The following KMT5A variants were observed in gnomAD, a reference collection of about 807,000 sequenced individuals.
KMT5A encodes lysine methyltransferase 5A, also known as N-lysine methyltransferase KMT5A.
A neutral mutation model predicts 40.6 loss-of-function variants in KMT5A; 6 were observed. The ratio of observed to expected loss-of-function variants is 0.15; its 90% CI spans 0.08 to 0.29. The LOEUF is 0.29. Among genes scored for constraint, KMT5A ranks in the 10% least tolerant of loss-of-function variants. The probability of loss-of-function intolerance (pLI) is 1.00; values close to 1 mark genes in which losing one functional copy is unlikely to be tolerated. For synonymous variants in KMT5A, 153 were observed against 178.8 expected (o/e 0.86, Z 1.15); for missense variants, 308 against 459.1 (o/e 0.67, Z 3.01).
intron 1 of KMT5A, among the ~76,000 whole-genome samples, chr12:123,386,210 ATTTTTTTTT>A (rs59509232): frequency 5.0e-5 from 4 of 79,838 alleles, no homozygotes; most frequent in Non-Finnish European, 9.8e-5. Context: ...TTAGATTTAG[ATTTTTTTTT>A]TTTTTTTTTT....
chr12:123,394,104 CTTTTTTT>C (rs397711320), intron 3 of KMT5A, among the ~76,000 whole-genome samples: 2 of 125,076 alleles, frequency 1.6e-5, no homozygotes, highest in South Asian at 2.5e-4. Flanking sequence ...ATTTTTTTTT[CTTTTTTT>C]TTTTTTTTTT....
chr12:123,409,237 A>G lies in KMT5A; in HGVS notation c.*1534A>G, dbSNP rs1297335395. 2.0e-5 allele frequency: 3 copies of G among 152,604 alleles called. No individual in the cohort carries two copies. The highest frequency in any genetic ancestry group is 4.4e-5 in the Non-Finnish European group (3 of 68,036). The allele number at this position is 152,604 out of a possible 1,614,324, so 9.5% of individuals were successfully genotyped here. On this transcript the variant is annotated 3_prime_UTR_variant, in exon 8 of 8. Transcript: ENST00000402868. ...TCCGATGGGAGTGTAAATGTGAGACACAATGTCTTGATTATACCTGTTTGT... is the reference window on the plus strand; with the variant it reads ...TCCGATGGGAGTGTAAATGTGAGACGCAATGTCTTGATTATACCTGTTTGT...
intron 5 of KMT5A, among the ~76,000 whole-genome samples, chr12:123,399,666 A>T (rs1593468536): frequency 6.6e-6 from 1 of 152,158 alleles, no homozygotes; most frequent in East Asian, 1.9e-4. Context: ...TTCCACAGTA[A>T]ACTAGACCAG....
In KMT5A at chr12:123,407,575, G is replaced by C; in HGVS notation, c.931G>C (p.Asp311His). The change falls in exon 8 of 8, where the codon GAC (aspartate) becomes CAC (histidine). Residue 311 changes from aspartate to histidine, a missense_variant. By Grantham distance (81) the Asp-to-His change is moderately conservative. Coordinates refer to ENST00000402868, the MANE Select transcript of KMT5A (RefSeq NM_020382.7). ...TGGGAACTGCCAAACCAAACTGCAC[G>C]ACATCGACGGCGTACCTCACCTCAT... ...KCGNCQTKLH[D>H]IDGVPHLILI... 6.2e-7 allele frequency: 1 copy of C among 1,613,878 alleles called. No homozygotes were observed. The highest frequency in any genetic ancestry group is 8.5e-7 in the Non-Finnish European group (1 of 1,179,842).
At position 123,390,811 on chromosome 12, in the gene KMT5A, C is replaced by G. The variant is rs1403026402; in HGVS notation, c.289+25C>G. 9 of 1,611,386 alleles carry G rather than the reference C, an allele frequency of 5.6e-6. No individual in the cohort carries two copies. In the East Asian group the frequency reaches 1.8e-4, roughly 32 times the overall value. ...GGTAAGCTTTTGAAATGGCCTCGTT[C>G]TGATCCCAGCTGGTCGGGTTGCAGA... On this transcript the variant is annotated intron_variant, in intron 3 of 7. Transcript: ENST00000402868.
In KMT5A at chr12:123,398,241, C is replaced by T. The variant is rs190741111; in HGVS notation, c.597+1809C>T. Among the ~76,000 whole-genome samples, 106 of 151,840 alleles carry T rather than the reference C, an allele frequency of 7.0e-4. 1 individual carries two copies. The highest frequency in any genetic ancestry group is 2.5e-3 in the African/African-American group (104 of 41,460). On this transcript the variant is annotated intron_variant, in intron 5 of 7. Coordinates refer to ENST00000402868, the MANE Select transcript of KMT5A (RefSeq NM_020382.7). The stretch of plus-strand genomic sequence containing the variant: ...TAGTTGCAGTGAGCCGAGATCGCGC[C>T]ACCGCACTCCATCTTGGGTGGCTGA...
In KMT5A at chr12:123,408,563, CTGCTTT is replaced by C. The variant is rs965560220; in HGVS notation, c.*862_*867del. 1 of 132,074 alleles carries C rather than the reference CTGCTTT, an allele frequency of 7.6e-6. No individual in the cohort carries two copies. Among genetic ancestry groups the C allele is most frequent in the African/African-American group, 3.1e-5 (1 of 31,986 alleles). The allele number at this position is 132,074 out of a possible 1,614,324, so 8.2% of individuals were successfully genotyped here. A position where few individuals can be genotyped will look rare whatever the true frequency, so the allele number is the denominator to read the frequency against. On this transcript the variant is annotated 3_prime_UTR_variant, in exon 8 of 8. Transcript: ENST00000402868. Reference sequence around the variant, plus strand: ...ATAGGTCTTGAAGTGAGTGAAGTGGCTGCTTTTTTTTTTTTTTTTTTTTGCTTTTTT... The same window carrying C: ...ATAGGTCTTGAAGTGAGTGAAGTGGCTTTTTTTTTTTTTTTTTGCTTTTTT...
chr12:123,389,667 C>T, intron 2 of KMT5A, 113 bp downstream of exon 2: 2 of 812,418 alleles, frequency 2.5e-6, no homozygotes, highest in Non-Finnish European at 3.0e-6. Flanking sequence ...GCTTCCTTTG[C>T]TGCCGCCTGG....
intron 2 of KMT5A, among the ~76,000 whole-genome samples, chr12:123,389,787 G>T (rs1490200212): frequency 6.6e-6 from 1 of 152,108 alleles, no homozygotes; most frequent in East Asian, 1.9e-4. Context: ...TACTTCCCCG[G>T]AGGTGGCCGC....
intron 3 of KMT5A, among the ~76,000 whole-genome samples, chr12:123,393,112 A>C (rs1387753065): frequency 6.6e-6 from 1 of 152,200 alleles, no homozygotes; most frequent in Non-Finnish European, 1.5e-5. Context: ...TCCTGACCTC[A>C]GGTGGCCCAC....
rs192482753 is a variant in KMT5A at position 123,394,129 on chromosome 12, A to G, written c.290-918A>G. ...CTTTTTTTTTTTTTTTTTGAGACAG[A>G]GTCTCACTCTTTCGCCCAGGTTGGA... On this transcript the variant is annotated intron_variant, in intron 3 of 7. Coordinates refer to ENST00000402868, the MANE Select transcript of KMT5A (RefSeq NM_020382.7). Among the ~76,000 whole-genome samples, 149 of 125,734 alleles carry G rather than the reference A, an allele frequency of 1.2e-3. 3 individuals are homozygous for G. In the East Asian group the frequency reaches 0.029, roughly 25 times the overall value. 82.5% of individuals were successfully genotyped at this position (125,734 alleles called of 152,430 possible).
chr12:123,388,601 G>A (rs1877008540), intron 1 of KMT5A: 1 of 152,262 alleles, frequency 6.6e-6, no homozygotes. Context: ...GGCGTGCGGG[G>A]AGGATTCAAT....
At position 123,405,045 on chromosome 12, in the gene KMT5A, C is replaced by T; in HGVS notation, c.819C>T (p.Tyr273=). 1.9e-6 allele frequency: 3 copies of T among 1,613,858 alleles called. No individual in the cohort carries two copies. The highest frequency in any genetic ancestry group is 2.5e-6 in the Non-Finnish European group (3 of 1,179,876). The change falls in exon 7 of 8, where the codon TAC becomes TAT. Residue 273 remains tyrosine, a synonymous_variant. Coordinates refer to ENST00000402868, the MANE Select transcript of KMT5A (RefSeq NM_020382.7). Reference sequence around the variant, plus strand: ...ACCCTTCCACGGGCTGCTACATGTACTATTTTCAGTATCTGAGCAAAACCT... The same window carrying T: ...ACCCTTCCACGGGCTGCTACATGTATTATTTTCAGTATCTGAGCAAAACCT... ...AQDPSTGCYM[Y]YFQYLSKTYC...
chr12:123,403,112 C>G (rs1055185022), intron 5 of KMT5A, among the ~76,000 whole-genome samples: 3 of 152,204 alleles, frequency 2.0e-5, no homozygotes, highest in African/African-American at 7.2e-5. Flanking sequence ...TACCTATTTG[C>G]CAGGCTGGTC....
At position 123,409,122 on chromosome 12, in the gene KMT5A, C is replaced by T. The variant is rs1329408688; in HGVS notation, c.*1419C>T. ...CCTCGTCTTTGATTCCCCCCCAACC[C>T]CACCTCGGGCCTCACGACGGTGCTA... On this transcript the variant is annotated 3_prime_UTR_variant, in exon 8 of 8. Coordinates refer to ENST00000402868, the MANE Select transcript of KMT5A (RefSeq NM_020382.7). The T allele has an allele frequency of 6.6e-6, 1 of 152,470 alleles. No individual in the cohort carries two copies. The highest frequency in any genetic ancestry group is 1.9e-4 in the East Asian group (1 of 5,178). The allele number at this position is 152,470 out of a possible 1,614,324, so 9.4% of individuals were successfully genotyped here. A position where few individuals can be genotyped will look rare whatever the true frequency, so the allele number is the denominator to read the frequency against.
intron 4 of KMT5A, 101 bp downstream of exon 4, chr12:123,395,367 C>A: frequency 9.0e-7 from 1 of 1,114,134 alleles, no homozygotes; most frequent in South Asian, 1.5e-5. Flanking sequence ...GTGGCCACCT[C>A]TCAGCCTCTC....
At position 123,403,652 on chromosome 12, in the gene KMT5A, G is replaced by A. The variant is rs772285416; in HGVS notation, c.657+20G>A. Reference sequence around the variant, plus strand: ...ATGAAGGTAAGGGGCTGCTGTGCTTGCTGCATCATAGCTAAAGCTGGAAGA... The same window carrying A: ...ATGAAGGTAAGGGGCTGCTGTGCTTACTGCATCATAGCTAAAGCTGGAAGA... On this transcript the variant is annotated intron_variant, in intron 6 of 7. Transcript: ENST00000402868. 6.2e-7 allele frequency: 1 copy of A among 1,614,082 alleles called. No homozygotes were observed. Among genetic ancestry groups the A allele is most frequent in the African/African-American group, 1.3e-5 (1 of 75,066 alleles).
chr12:123,399,553 T>C (rs1877997437), intron 5 of KMT5A, among the ~76,000 whole-genome samples: 1 of 152,252 alleles, frequency 6.6e-6, no homozygotes, highest in Admixed American at 6.5e-5. Context: ...CAGCACTCTC[T>C]GCACACTTGC....
Position 123,396,390 on chromosome 12 carries a change from C to T in KMT5A, c.555C>T (p.Tyr185=), listed in dbSNP as rs753397242. The change falls in exon 5 of 8, where the codon TAC becomes TAT. Residue 185 remains tyrosine, a synonymous_variant. Transcript: ENST00000402868. ...TQQNRKLTDF[Y]PVRRSSRKSK... is the part of the protein sequence containing the mutation. ...AGAATCGCAAACTTACGGATTTCTACCCTGTCCGAAGGAGCTCCAGGAAGA... is the reference window on the plus strand; with the variant it reads ...AGAATCGCAAACTTACGGATTTCTATCCTGTCCGAAGGAGCTCCAGGAAGA... 6.2e-7 allele frequency: 1 copy of T among 1,614,050 alleles called. No homozygotes were observed. Among genetic ancestry groups the T allele is most frequent in the Non-Finnish European group, 8.5e-7 (1 of 1,180,016 alleles).
Sources: allele counts gnomAD v4.1 joint callset (sites outside exome capture counted in the v4.1 genomes callset), GRCh38; gene constraint gnomAD v4.1.1; transcripts MANE v1.5; gene names NCBI Gene and HGNC (gene_info 2026-07-23, HGNC 2026-07-21).